The following DMD variants were observed in gnomAD, a reference collection of about 807,000 sequenced individuals.
The protein encoded by DMD is mutant dystrophin.
DMD carries 63 observed loss-of-function variants against 330.1 expected under a neutral mutation model. The observed-to-expected ratio is 0.19, with a 90% CI of 0.16 to 0.24. DMD has a LOEUF of 0.24. Among genes scored for constraint, DMD ranks in the 10% least tolerant of loss-of-function variants. The probability of loss-of-function intolerance (pLI) is 1.00; values close to 1 mark genes in which losing one functional copy is unlikely to be tolerated. For missense variants in DMD, 3,344 were observed against 2,684.1 expected (o/e 1.25, Z -5.43); for synonymous variants, 1,223 against 959.8 (o/e 1.27, Z -5.07).
At chrX:33,053,723 C>T (rs150286867) in intron 1 of DMD, among the ~76,000 whole-genome samples, 117 of 111,964 alleles carry the variant, frequency 1.0e-3, no homozygotes, top group African/African-American at 3.7e-3. Context: ...GGAGACATCA[C>T]CTAAATGATA....
intron 7 of DMD, among the ~76,000 whole-genome samples, chrX:32,781,831 A>G (rs1445802386): frequency 1.8e-5 from 2 of 111,465 alleles, no homozygotes; most frequent in Non-Finnish European, 3.8e-5. Flanking sequence ...TAAAGATTTT[A>G]AGATACAGAT....
intron 45 of DMD, among the ~76,000 whole-genome samples, chrX:31,952,632 T>C (rs929440266): frequency 4.5e-5 from 5 of 111,545 alleles, no homozygotes; most frequent in African/African-American, 1.6e-4. Context: ...TATTTAAACA[T>C]GCTTTTCTTC....
chrX:31,941,424 C>T (rs1309356378), intron 45 of DMD, among the ~76,000 whole-genome samples: 1 of 111,371 alleles, frequency 9.0e-6, no homozygotes, highest in African/African-American at 3.3e-5. Flanking sequence ...TGATTCTTCT[C>T]TCTCCCTCAC....
At chrX:32,951,100 G>C (rs1272431790) in intron 2 of DMD, among the ~76,000 whole-genome samples, 1 of 111,241 alleles carries the variant, frequency 9.0e-6, no homozygotes, top group Admixed American at 9.6e-5. Context: ...CTGCGATGAA[G>C]AATTCCTATA....
chrX:31,158,593 C>T (rs1458987886), intron 74 of DMD, among the ~76,000 whole-genome samples: 1 of 111,713 alleles, frequency 9.0e-6, no homozygotes, highest in Non-Finnish European at 1.9e-5. Context: ...ACTGGTTAAC[C>T]TATTAACTAA....
At position 32,343,260 on chromosome X, in the gene DMD, CT is replaced by C; in HGVS notation, c.5612del (p.Lys1871ArgfsTer3). 8.3e-7 allele frequency: 1 copy of C among 1,207,516 alleles called. No homozygotes were observed. The highest frequency in any genetic ancestry group is 3.0e-5 in the East Asian group (1 of 33,746). On this transcript the variant is annotated frameshift_variant, in exon 40 of 79. Coordinates refer to ENST00000357033, the MANE Select transcript of DMD (RefSeq NM_004006.3). LOFTEE classifies it high-confidence loss of function. ...LKDLRSQRRK[K>X]ALEISHQWYQ... ...ACCACTGATGAGAAATTTCTAGAGC[CT>C]TTTTTCTTCTTTGAGACCTCAAATC...
At chrX:33,188,738 A>C (rs1470823033) in intron 1 of DMD, among the ~76,000 whole-genome samples, 3 of 111,856 alleles carry the variant, frequency 2.7e-5, no homozygotes, top group African/African-American at 9.7e-5. Flanking sequence ...CCTAACCCCC[A>C]TTGTCTCAGA....
rs373805515 is a variant in DMD, at chrX:33,070,512, A to T, written c.32-50312T>A. ...CCTTATTAAATAAATGTATTTATTC[A>T]TTTGATCTTATGTAAAGAACACAAA... On this transcript the variant is annotated intron_variant, in intron 1 of 78. Coordinates refer to ENST00000357033, the MANE Select transcript of DMD (RefSeq NM_004006.3). Among the ~76,000 whole-genome samples the T allele has an allele frequency of 5.5e-5, 6 of 109,486 alleles. No individual in the cohort carries two copies. The East Asian group carries it at 1.7e-3, about 31-fold the overall frequency.
intron 54 of DMD, among the ~76,000 whole-genome samples, chrX:31,647,419 C>CACTT (rs1046902641): frequency 2.1e-4 from 23 of 111,992 alleles, no homozygotes; most frequent in African/African-American, 7.1e-4. Flanking sequence ...ACTTAAGTAT[C>CACTT]ACTTATATAA....
intron 55 of DMD, among the ~76,000 whole-genome samples, chrX:31,518,171 A>C (rs1372822517): frequency 8.9e-6 from 1 of 111,919 alleles, no homozygotes; most frequent in African/African-American, 3.2e-5. Context: ...TTTTAAAAAG[A>C]AGCCGTGGAC....
intron 2 of DMD, among the ~76,000 whole-genome samples, chrX:32,946,358 A>G (rs2090807982): frequency 9.0e-6 from 1 of 111,397 alleles, no homozygotes; most frequent in African/African-American, 3.3e-5. Flanking sequence ...AAAACAATGT[A>G]TGTTTACCAT....
intron 1 of DMD, among the ~76,000 whole-genome samples, chrX:33,301,823 C>T (rs752892812): frequency 9.0e-6 from 1 of 111,554 alleles, no homozygotes; most frequent in Non-Finnish European, 1.9e-5. Context: ...ATTTAATCAC[C>T]TCCTAATGTC....
At chrX:31,980,225 A>T (rs1027337817) in intron 44 of DMD, among the ~76,000 whole-genome samples, 9 of 112,074 alleles carry the variant, frequency 8.0e-5, no homozygotes, top group Admixed American at 2.8e-4. Flanking sequence ...ACATATGCTC[A>T]CAAATGGCTT....
intron 67 of DMD, among the ~76,000 whole-genome samples, chrX:31,184,057 C>T (rs984199048): frequency 9.1e-5 from 10 of 110,018 alleles, no homozygotes; most frequent in Admixed American, 2.9e-4. Flanking sequence ...CATGGGCACA[C>T]GCCACCCCAC....
At chrX:31,284,149 C>T (rs909729053) in intron 62 of DMD, among the ~76,000 whole-genome samples, 5 of 111,652 alleles carry the variant, frequency 4.5e-5, no homozygotes, top group Non-Finnish European at 9.4e-5. Flanking sequence ...GAATACTGTA[C>T]TGAAAGTGAA....
chrX:33,202,092 T>C (rs996366626), intron 1 of DMD, among the ~76,000 whole-genome samples: 1 of 112,235 alleles, frequency 8.9e-6, no homozygotes, highest in African/African-American at 3.2e-5. Context: ...AAATATAATA[T>C]GCCAATGTCT....
At chrX:33,213,661 T>A (rs1015974054), upstream of DMD, among the ~76,000 whole-genome samples, 1 of 111,941 alleles carries the variant, frequency 8.9e-6, no homozygotes, top group Non-Finnish European at 1.9e-5. Flanking sequence ...TATTTTCAAA[T>A]ACTTATAGAT....
chrX:31,553,449 TAAAA>T (rs2074614233), intron 55 of DMD, among the ~76,000 whole-genome samples: 1 of 112,104 alleles, frequency 8.9e-6, no homozygotes, highest in African/African-American at 3.2e-5. Flanking sequence ...TTTTTACCAT[TAAAA>T]GCAATGGCAA....
At chrX:32,563,942 C>G (rs1250570064) in intron 16 of DMD, among the ~76,000 whole-genome samples, 1 of 111,304 alleles carries the variant, frequency 9.0e-6, no homozygotes, top group Non-Finnish European at 1.9e-5. Context: ...GGTTTGCTTA[C>G]CAATTATTTC....
Sources: allele counts gnomAD v4.1 joint callset (sites outside exome capture counted in the v4.1 genomes callset), GRCh38; gene constraint gnomAD v4.1.1; transcripts MANE v1.5; gene names NCBI Gene and HGNC (gene_info 2026-07-23, HGNC 2026-07-21).